MEX3D: variants seen among roughly 807,000 people sequenced by gnomAD.
MEX3D encodes RNA-binding protein MEX3D.
A neutral mutation model predicts 6.3 loss-of-function variants in MEX3D; 4 were observed. The ratio of observed to expected loss-of-function variants is 0.64; its 90% confidence interval spans 0.31 to 1.46. MEX3D has a LOEUF of 1.46. Among genes scored for constraint, MEX3D ranks in the 40% most tolerant of loss-of-function variants. The pLI is 0.07. For missense variants in MEX3D, 1,038 were observed against 994.4 expected (o/e 1.04, Z -0.59); for synonymous variants, 626 against 494.1 (o/e 1.27, Z -3.54).
In MEX3D at chr19:1,556,194, G is replaced by A. The variant is rs953280363; in HGVS notation, c.1325C>T (p.Pro442Leu). 9.0e-6 allele frequency: 13 copies of A among 1,450,624 alleles called. No homozygotes were observed. Among genetic ancestry groups the A allele is most frequent in the African/African-American group, 7.5e-5 (5 of 66,670 alleles). 89.9% of individuals were successfully genotyped at this position (1,450,624 alleles called of 1,614,324 possible). A position where few individuals can be genotyped will look rare whatever the true frequency, so the allele number is the denominator to read the frequency against. ...GTCGTCGGGGGCGGCCGTCCCCACC[G>A]GGGCACCGGGACCCTCCGCGCCGAA... ...FAFGAEGPGA[P>L]VGTAAPDDCD... The change falls in exon 2 of 2, where the codon CCG becomes CTG. Residue 442 changes from proline to leucine, a missense_variant. Physicochemically the swap from Pro to Leu is moderately conservative, Grantham distance 98 (BLOSUM62 -3). Transcript: ENST00000402693. This position sits in a 1 kb window ranked among gnomAD's most constrained non-coding sequence, Gnocchi z 7.5.
In MEX3D at chr19:1,554,913, T is replaced by TAAAAA. The variant is rs60636488; in HGVS notation, c.*645_*649dup. ...ATACACAAGAGGTAAAAAGTAAAAGTAAAAAAAAAAAAAAATTAAAAAAAT... is the reference window on the plus strand; with the variant it reads ...ATACACAAGAGGTAAAAAGTAAAAGTAAAAAAAAAAAAAAAAAAAATTAAAAAAAT... On this transcript the variant is annotated 3_prime_UTR_variant, in exon 2 of 2. Coordinates refer to ENST00000402693, the MANE Select transcript of MEX3D (RefSeq NM_203304.4). 7.1e-6 allele frequency: 1 copy of TAAAAA among 141,070 alleles called. No homozygotes were observed. Among genetic ancestry groups the TAAAAA allele is most frequent in the Non-Finnish European group, 1.5e-5 (1 of 65,536 alleles). The allele number at this position is 141,070 out of a possible 1,614,324, so 8.7% of individuals were successfully genotyped here. A position where few individuals can be genotyped will look rare whatever the true frequency, so the allele number is the denominator to read the frequency against.
chr19:1,562,662 C>CA (rs1304733629), intron 1 of MEX3D, among the ~76,000 whole-genome samples: 8 of 151,978 alleles, frequency 5.3e-5, no homozygotes, highest in African/African-American at 1.9e-4. Context: ...CACACCACTG[C>CA]ACTCAGGACA....
intron 1 of MEX3D, among the ~76,000 whole-genome samples, chr19:1,565,647 G>A (rs761583968): frequency 9.9e-5 from 15 of 152,174 alleles, no homozygotes; most frequent in African/African-American, 3.1e-4. Context: ...GCAGGGCCAC[G>A]GCGGCCTGCA....
At chr19:1,562,594 A>G (rs757968636) in intron 1 of MEX3D, among the ~76,000 whole-genome samples, 5 of 152,288 alleles carry the variant, frequency 3.3e-5, no homozygotes, top group Non-Finnish European at 5.9e-5. Context: ...GCTACTTGGG[A>G]GGCAGAGGTG....
Position 1,556,683 on chromosome 19 carries a change from C to T in MEX3D, c.836G>A (p.Arg279His). 2 of 1,610,792 alleles carry T rather than the reference C, an allele frequency of 1.2e-6. No homozygotes were observed. Among genetic ancestry groups the T allele is most frequent in the Non-Finnish European group, 1.7e-6 (2 of 1,178,884 alleles). Reference sequence around the variant, plus strand: ...CAGCCCCACCACCCGGTAGGGCACGCGCACCTGGATGGTGGTCTGTCCGGG... The same window carrying T: ...CAGCCCCACCACCCGGTAGGGCACGTGCACCTGGATGGTGGTCTGTCCGGG... Reference protein sequence around the residue: ...NLPGQTTIQVRVPYRVVGLVV... With the variant: ...NLPGQTTIQVHVPYRVVGLVV... The change falls in exon 2 of 2, where the codon CGC becomes CAC. Residue 279 changes from arginine (R) to histidine (H), a missense_variant. Coordinates refer to ENST00000402693, the MANE Select transcript of MEX3D (RefSeq NM_203304.4). The surrounding 1 kb of genome is among the most constrained non-coding windows in gnomAD (Gnocchi z 7.5).
In MEX3D at chr19:1,554,921, A is replaced by AAG. The variant is rs1332162684; in HGVS notation, c.*641_*642insCT. The AAG allele has an allele frequency of 6.6e-6, 1 of 150,952 alleles. No individual in the cohort carries two copies. The highest frequency in any genetic ancestry group is 2.4e-5 in the African/African-American group (1 of 41,212). 9.4% of individuals were successfully genotyped at this position (150,952 alleles called of 1,614,324 possible). A position where few individuals can be genotyped will look rare whatever the true frequency, so the allele number is the denominator to read the frequency against. ...GAGGTAAAAAGTAAAAGTAAAAAAAAAAAAAAATTAAAAAAATTTTAAAAA... is the reference window on the plus strand; with the variant it reads ...GAGGTAAAAAGTAAAAGTAAAAAAAAAGAAAAAAATTAAAAAAATTTTAAAAA... On this transcript the variant is annotated 3_prime_UTR_variant, in exon 2 of 2. Transcript: ENST00000402693.
rs754580060 is a variant in MEX3D at position 1,556,222 on chromosome 19, C to G, written c.1297G>C (p.Ala433Pro). The G allele has an allele frequency of 2.1e-4, 290 of 1,412,564 alleles. No individual in the cohort carries two copies. The highest frequency in any genetic ancestry group is 5.2e-4 in the East Asian group (15 of 29,072). The allele number at this position is 1,412,564 out of a possible 1,614,324, so 87.5% of individuals were successfully genotyped here. ...GCACCGGGACCCTCCGCGCCGAAGG[C>G]GAAGCCCCCGTTGCCGGAGCCGCTG... ...PYSGSGNGGF[A>P]FGAEGPGAPV... Residue 433 changes from alanine to proline, a missense_variant, in exon 2 of 2, where the codon GCC becomes CCC. By Grantham distance (27) the Ala-to-Pro change is conservative. Coordinates refer to ENST00000402693, the MANE Select transcript of MEX3D (RefSeq NM_203304.4). The surrounding 1 kb of genome is among the most constrained non-coding windows in gnomAD (Gnocchi z 7.5).
At position 1,555,621 on chromosome 19, in the gene MEX3D, T is replaced by A; in HGVS notation, c.1898A>T (p.Glu633Val). Residue 633 changes from glutamate (E) to valine (V), a missense_variant, in exon 2 of 2, where the codon GAG (glutamate) becomes GTG (valine). Coordinates refer to ENST00000402693, the MANE Select transcript of MEX3D (RefSeq NM_203304.4). ...DCAVRICGKS[E>V]PECPACRTPA... The stretch of plus-strand genomic sequence containing the variant: ...CGTGCGGCAGGCGGGACACTCGGGC[T>A]CGCTCTTGCCGCAGATGCGGACGGC... 6.3e-7 allele frequency: 1 copy of A among 1,591,918 alleles called. No homozygotes were observed. Among genetic ancestry groups the A allele is most frequent in the Non-Finnish European group, 8.5e-7 (1 of 1,171,494 alleles).
At chr19:1,560,696 C>T (rs554854808) in intron 1 of MEX3D, among the ~76,000 whole-genome samples, 1 of 152,274 alleles carries the variant, frequency 6.6e-6, no homozygotes, top group East Asian at 1.9e-4. Context: ...TGGCGCCTCC[C>T]CCTCCCCTTA....
rs1914862680 is a variant in MEX3D at position 1,567,150 on chromosome 19, G to C, written c.595+314C>G. Among the ~76,000 whole-genome samples, 1 of 152,018 alleles carries C rather than the reference G, an allele frequency of 6.6e-6. No homozygotes were observed. Among genetic ancestry groups the C allele is most frequent in the Admixed American group, 6.5e-5 (1 of 15,270 alleles). On this transcript the variant is annotated intron_variant, in intron 1 of 1. Transcript: ENST00000402693. This position sits in a 1 kb window ranked among gnomAD's most constrained non-coding sequence, Gnocchi z 6.5. The stretch of plus-strand genomic sequence containing the variant: ...GCCCCGGGCCCTCGAGCCCCTCTCT[G>C]GGGTGCCCCTGCGGGCGGCCGAGGG...
chr19:1,562,032 T>C (rs1199541006), intron 1 of MEX3D, among the ~76,000 whole-genome samples: 3 of 147,766 alleles, frequency 2.0e-5, no homozygotes, highest in Non-Finnish European at 4.5e-5. Flanking sequence ...GAGGCCAAAA[T>C]GGGTGGATCA....
At chr19:1,560,844 C>T (rs1480543210) in intron 1 of MEX3D, among the ~76,000 whole-genome samples, 1 of 152,182 alleles carries the variant, frequency 6.6e-6, no homozygotes, top group African/African-American at 2.4e-5. Flanking sequence ...CCCCAAAACT[C>T]CACCCACATC....
At chr19:1,559,157 G>A (rs1276848158) in intron 1 of MEX3D, among the ~76,000 whole-genome samples, 1 of 151,724 alleles carries the variant, frequency 6.6e-6, no homozygotes, top group Non-Finnish European at 1.5e-5. Context: ...TTGAGACGGA[G>A]TTTTGCTCTT....
intron 1 of MEX3D, among the ~76,000 whole-genome samples, chr19:1,566,153 C>T (rs572962802): frequency 6.6e-6 from 1 of 152,276 alleles, no homozygotes; most frequent in East Asian, 1.9e-4. Context: ...TGGTAGGGCG[C>T]CCTCCTGCCA....
chr19:1,555,581 G>A lies in MEX3D; in HGVS notation c.1938C>T (p.Ala646=). The change falls in exon 2 of 2, where the codon GCC becomes GCT. Residue 646 remains alanine (A), a synonymous_variant. Coordinates refer to ENST00000402693, the MANE Select transcript of MEX3D (RefSeq NM_203304.4). ...CPACRTPATQ[A]IHIFS is the part of the protein sequence containing the mutation. ...CCGCGCTCTAGGAAAAGATATGAAT[G>A]GCCTGGGTGGCCGGCGTGCGGCAGG... is the stretch of plus-strand genomic sequence containing the variant. The A allele has an allele frequency of 6.3e-7, 1 of 1,586,394 alleles. No individual in the cohort carries two copies. Among genetic ancestry groups the A allele is most frequent in the Non-Finnish European group, 8.6e-7 (1 of 1,168,466 alleles).
intron 1 of MEX3D, among the ~76,000 whole-genome samples, chr19:1,566,188 C>G (rs1914834644): frequency 6.6e-6 from 1 of 152,180 alleles, no homozygotes; most frequent in Non-Finnish European, 1.5e-5. Context: ...GGGCAGCCAG[C>G]AGGACTGAGA....
chr19:1,555,296 G>A lies in MEX3D; in HGVS notation c.*267C>T. The A allele has an allele frequency of 6.3e-7, 1 of 1,575,790 alleles. No individual in the cohort carries two copies. The highest frequency in any genetic ancestry group is 1.1e-5 in the South Asian group (1 of 88,932). Reference sequence around the variant, plus strand: ...AAGAAAACTAAAAAAAGTGCAAGCGGACCTTTTCTCTCCGGTTTATTGTAA... The same window carrying A: ...AAGAAAACTAAAAAAAGTGCAAGCGAACCTTTTCTCTCCGGTTTATTGTAA... On this transcript the variant is annotated 3_prime_UTR_variant, in exon 2 of 2. Coordinates refer to ENST00000402693, the MANE Select transcript of MEX3D (RefSeq NM_203304.4).
Position 1,556,050 on chromosome 19 carries a change from G to C in MEX3D, c.1469C>G (p.Thr490Arg), listed in dbSNP as rs1399307081. The C allele has an allele frequency of 7.3e-7, 1 of 1,367,042 alleles. No homozygotes were observed. The highest frequency in any genetic ancestry group is 9.4e-7 in the Non-Finnish European group (1 of 1,058,280). 84.7% of individuals were successfully genotyped at this position (1,367,042 alleles called of 1,614,324 possible). The stretch of plus-strand genomic sequence containing the variant: ...GGGAGGTCCCGGGGCTCCGTTGACC[G>C]TGGAGCAGCCGCTGAAGGCGGGCAA... ...APLPAFSGCS[T>R]VNGAPGPPAA... The change falls in exon 2 of 2, where the codon ACG becomes AGG. Residue 490 changes from threonine (T) to arginine (R), a missense_variant. This residue lies in a region of MEX3D where 581 missense variants were observed against 516.2 expected (regional missense o/e 1.13). Transcript: ENST00000402693. The surrounding 1 kb of genome is among the most constrained non-coding windows in gnomAD (Gnocchi z 7.5).
At chr19:1,564,362 G>A (rs959179404) in intron 1 of MEX3D, among the ~76,000 whole-genome samples, 18 of 151,990 alleles carry the variant, frequency 1.2e-4, no homozygotes, top group South Asian at 4.1e-4. Context: ...GCGAAACCCC[G>A]TCTCTACTGA....
Sources: allele counts gnomAD v4.1 joint callset (sites outside exome capture counted in the v4.1 genomes callset), GRCh38; gene constraint gnomAD v4.1.1; regional missense constraint gnomAD v4.1.1; non-coding constraint Gnocchi (gnomAD v3.1); transcripts MANE v1.5; gene names NCBI Gene and HGNC (gene_info 2026-07-23, HGNC 2026-07-21).